KDM4C: variants seen among roughly 807,000 people sequenced by gnomAD.
KDM4C encodes lysine-specific demethylase 4C.
A neutral mutation model predicts 129.3 loss-of-function variants in KDM4C; 81 were observed. That is an observed-to-expected ratio of 0.63 (90% confidence interval 0.52 to 0.75). The LOEUF (loss-of-function observed/expected upper bound fraction) is 0.75, where lower values mean the gene tolerates loss of function less well. Ranked by LOEUF, KDM4C falls within the 30% of genes least tolerant of loss-of-function variation. KDM4C has a pLI of 0.00. For missense variants in KDM4C, 1,457 were observed against 1,304.0 expected, an observed-to-expected ratio of 1.12 and a Z score of -1.81; for synonymous variants, 573 against 456.1, an observed-to-expected ratio of 1.26 and a Z score of -3.26.
intron 4 of KDM4C, among the ~76,000 whole-genome samples, chr9:6,847,957 T>C (rs970617671): frequency 6.6e-6 from 1 of 152,204 alleles, no homozygotes; most frequent in African/African-American, 2.4e-5. Flanking sequence ...CTAAAAGCTT[T>C]TAGTGTGTTC....
intron 8 of KDM4C, among the ~76,000 whole-genome samples, chr9:6,967,145 C>T (rs575848038): frequency 5.3e-5 from 8 of 152,250 alleles, no homozygotes; most frequent in African/African-American, 1.9e-4. Context: ...GACTCCTGGC[C>T]GGGCATGGTG....
At chr9:7,012,024 A>T (rs1822806381) in intron 13 of KDM4C, 145 bp downstream of exon 13, 1 of 635,800 alleles carries the variant, frequency 1.6e-6, no homozygotes, top group Non-Finnish European at 2.7e-6. Context: ...TCATAGAACC[A>T]CAAACAGTTT....
rs554533128 is a variant in KDM4C, at chr9:7,013,990, G to T, written c.2171G>T (p.Arg724Leu). ...LLISCAKCCV[R>L]VHASCYGIPS... is the part of the protein sequence containing the mutation. ...ATTTCCTGTGCAAAGTGCTGCGTAC[G>T]GGTTCATGCAAGTAAATGGATCTAT... Residue 724 changes from arginine (R) to leucine (L), a missense_variant, in exon 14 of 22, where the codon CGG becomes CTG. Coordinates refer to ENST00000381309, the MANE Select transcript of KDM4C (RefSeq NM_015061.6). 1.9e-6 allele frequency: 3 copies of T among 1,611,964 alleles called. No individual in the cohort carries two copies. The highest frequency in any genetic ancestry group is 2.5e-6 in the Non-Finnish European group (3 of 1,178,932).
chr9:6,775,133 C>T (rs748157714), intron 1 of KDM4C, among the ~76,000 whole-genome samples: 1 of 152,226 alleles, frequency 6.6e-6, no homozygotes, highest in African/African-American at 2.4e-5. Flanking sequence ...TCTTCTGTCT[C>T]AGCCTCCCGA....
intron 12 of KDM4C, among the ~76,000 whole-genome samples, chr9:6,996,700 G>T (rs1819821798): frequency 6.6e-6 from 1 of 152,222 alleles, no homozygotes; most frequent in South Asian, 2.1e-4. Context: ...CTAGTGGTGA[G>T]TATAGCTAAC....
At chr9:6,776,357 G>A (rs891467172) in intron 1 of KDM4C, among the ~76,000 whole-genome samples, 1 of 152,094 alleles carries the variant, frequency 6.6e-6, no homozygotes, top group African/African-American at 2.4e-5. Flanking sequence ...TCTGCCTCCC[G>A]GGTTCAAGTG....
intron 14 of KDM4C, 49 bp downstream of exon 14, chr9:7,014,050 T>G: frequency 6.7e-7 from 1 of 1,488,080 alleles, no homozygotes; most frequent in Non-Finnish European, 9.3e-7. Context: ...GCATTTCACA[T>G]CATCTTTATT....
chr9:6,732,139 G>A (rs924102591), intron 1 of KDM4C, among the ~76,000 whole-genome samples: 1 of 151,780 alleles, frequency 6.6e-6, no homozygotes, highest in South Asian at 2.1e-4. Flanking sequence ...GGCCAAGGTG[G>A]GCGGATCACG....
intron 1 of KDM4C, among the ~76,000 whole-genome samples, chr9:6,780,239 A>G (rs1824018805): frequency 6.6e-6 from 1 of 152,098 alleles, no homozygotes; most frequent in African/African-American, 2.4e-5. Context: ...ATGTAAATAG[A>G]TTAGCTGTGA....
rs1325451183 is a variant in KDM4C, at chr9:7,132,898, G to C, written c.2781+4662G>C. Among the ~76,000 whole-genome samples the C allele has an allele frequency of 2.6e-5, 4 of 152,184 alleles. No homozygotes were observed. In the East Asian group the frequency reaches 7.7e-4, roughly 29 times the overall value. Reference sequence around the variant, plus strand: ...GAGAAACAGGACCATTTAGAAATTTGATAGCAGGAGTCCATCACTGAAATT... The same window carrying C: ...GAGAAACAGGACCATTTAGAAATTTCATAGCAGGAGTCCATCACTGAAATT... On this transcript the variant is annotated intron_variant, in intron 19 of 21. Coordinates refer to ENST00000381309, the MANE Select transcript of KDM4C (RefSeq NM_015061.6).
Position 7,101,493 on chromosome 9 carries a change from C to A in KDM4C, c.2425-2192C>A, listed in dbSNP as rs145214700. ...CTGTGTGATGTTTAAGTGTTCTCAACTCTGAATAAACATCTTGCAAAGCAT... is the reference window on the plus strand; with the variant it reads ...CTGTGTGATGTTTAAGTGTTCTCAAATCTGAATAAACATCTTGCAAAGCAT... On this transcript the variant is annotated intron_variant, in intron 17 of 21. Coordinates refer to ENST00000381309, the MANE Select transcript of KDM4C (RefSeq NM_015061.6). Among the ~76,000 whole-genome samples, 769 of 152,328 alleles carry A rather than the reference C, an allele frequency of 5.0e-3. 5 individuals carry two copies. The highest frequency in any genetic ancestry group is 0.018 in the African/African-American group (735 of 41,570).
intron 17 of KDM4C, among the ~76,000 whole-genome samples, chr9:7,095,582 C>G (rs1469258195): frequency 3.3e-5 from 5 of 151,578 alleles, no homozygotes; most frequent in African/African-American, 4.9e-5. Context: ...CTAAATTGTG[C>G]CATATGGGAA....
chr9:6,782,678 G>C (rs999407940), intron 1 of KDM4C, among the ~76,000 whole-genome samples: 8 of 152,152 alleles, frequency 5.3e-5, no homozygotes, highest in African/African-American at 1.9e-4. Context: ...AGGGGTCTTT[G>C]AGGAGGGAGG....
intron 18 of KDM4C, among the ~76,000 whole-genome samples, chr9:7,112,099 G>A (rs888582020): frequency 6.6e-6 from 1 of 152,008 alleles, no homozygotes; most frequent in African/African-American, 2.4e-5. Context: ...GGCAGGAGAG[G>A]CTATTATTTA....
At chr9:6,728,768 C>T (rs548789413) in intron 1 of KDM4C, among the ~76,000 whole-genome samples, 5 of 151,680 alleles carry the variant, frequency 3.3e-5, no homozygotes, top group South Asian at 4.2e-4. Context: ...ATCGCCTGAA[C>T]CCGGGAAGCA....
intron 15 of KDM4C, among the ~76,000 whole-genome samples, chr9:7,016,169 C>T (rs1823629123): frequency 6.6e-6 from 1 of 151,388 alleles, no homozygotes; most frequent in Non-Finnish European, 1.5e-5. Flanking sequence ...TCTCTGTCGC[C>T]CAGGCTAGAG....
Position 6,832,868 on chromosome 9 carries a change from T to A in KDM4C, c.436-16639T>A, listed in dbSNP as rs552603915. ...TCAGACTCTGTAGTAGCTGGGATTA[T>A]AGGCACCCACCACCTTGCCTGGCTA... On this transcript the variant is annotated intron_variant, in intron 4 of 21. Transcript: ENST00000381309. Among the ~76,000 whole-genome samples, 34 of 151,154 alleles carry A rather than the reference T, an allele frequency of 2.2e-4. 1 individual carries two copies. In the South Asian group the frequency reaches 7.1e-3, roughly 32 times the overall value.
At chr9:6,944,446 C>T (rs117308608) in intron 8 of KDM4C, among the ~76,000 whole-genome samples, 8 of 152,176 alleles carry the variant, frequency 5.3e-5, no homozygotes, top group African/African-American at 1.9e-4. Flanking sequence ...TTTGGTGACT[C>T]ATTAGATTTT....
At chr9:7,046,265 C>T (rs1415314631) in intron 15 of KDM4C, among the ~76,000 whole-genome samples, 1 of 151,856 alleles carries the variant, frequency 6.6e-6, no homozygotes, top group Non-Finnish European at 1.5e-5. Flanking sequence ...TAAAGCAAAA[C>T]GTTTCTTGGT....
Sources: allele counts gnomAD v4.1 joint callset (sites outside exome capture counted in the v4.1 genomes callset), GRCh38; gene constraint gnomAD v4.1.1; transcripts MANE v1.5; gene names NCBI Gene and HGNC (gene_info 2026-07-23, HGNC 2026-07-21).